ULK4: variants seen among roughly 807,000 people sequenced by gnomAD.
ULK4 encodes the protein inactive serine/threonine-protein kinase ULK4.
Under a neutral mutation model 160.6 loss-of-function variants are expected in ULK4, and 133 were observed. That is an observed-to-expected ratio of 0.83 (90% confidence interval 0.72 to 0.96). The LOEUF (loss-of-function observed/expected upper bound fraction) is 0.96, where lower values mean the gene tolerates loss of function less well. Among genes scored for constraint, ULK4 ranks in the 40% least tolerant of loss-of-function variants. The pLI, the probability that ULK4 is intolerant of heterozygous loss-of-function variation, is 0.00. For synonymous variants in ULK4, 534 were observed against 539.8 expected, an observed-to-expected ratio of 0.99 and a Z score of 0.15; for missense variants, 1,580 against 1,499.5, an observed-to-expected ratio of 1.05 and a Z score of -0.89.
In ULK4 at chr3:41,926,189, T is replaced by C. The variant is rs575437339; in HGVS notation, c.541+5655A>G. Among the ~76,000 whole-genome samples, 15 of 152,330 alleles carry C rather than the reference T, an allele frequency of 9.8e-5. No homozygotes were observed. The South Asian group carries it at 2.7e-3, about 27-fold the overall frequency. ...ATATGGGCTGTTCTGCAGCCTCTGC[T>C]GGTGATATCCAGGCAAACAGGGTCT... On this transcript the variant is annotated intron_variant, in intron 5 of 36. Coordinates refer to ENST00000301831, the MANE Select transcript of ULK4 (RefSeq NM_017886.4).
chr3:41,740,613 T>C (rs1382682092), intron 22 of ULK4, among the ~76,000 whole-genome samples: 1 of 151,872 alleles, frequency 6.6e-6, no homozygotes, highest in Non-Finnish European at 1.5e-5. Flanking sequence ...TCACAGAAAA[T>C]GTGCTGAAAT....
intron 15 of ULK4, 93 bp downstream of exon 15, chr3:41,896,729 T>G: frequency 4.3e-6 from 6 of 1,379,688 alleles, no homozygotes; most frequent in Non-Finnish European, 5.8e-6. Flanking sequence ...TCAGTTTTTT[T>G]GTGGTAGTTA....
intron 31 of ULK4, among the ~76,000 whole-genome samples, chr3:41,582,288 A>T (rs1054491205): frequency 2.0e-5 from 3 of 152,228 alleles, no homozygotes; most frequent in Admixed American, 6.5e-5. Context: ...GCCATGTGGA[A>T]CTGTGAGTCC....
chr3:41,694,256 A>T (rs981673426), intron 27 of ULK4, among the ~76,000 whole-genome samples: 1 of 152,210 alleles, frequency 6.6e-6, no homozygotes, highest in Non-Finnish European at 1.5e-5. Context: ...GTGTGTGCAG[A>T]TAGGCACGTG....
At chr3:41,433,364 A>G (rs1436382841) in intron 34 of ULK4, among the ~76,000 whole-genome samples, 2 of 152,200 alleles carry the variant, frequency 1.3e-5, no homozygotes, top group African/African-American at 4.8e-5. Flanking sequence ...GAAACAGACA[A>G]TCTTTTGATG....
intron 5 of ULK4, among the ~76,000 whole-genome samples, chr3:41,927,820 T>TA (rs771127307): frequency 9.9e-5 from 15 of 152,088 alleles, no homozygotes; most frequent in Admixed American, 3.9e-4. Context: ...CCTAAATATA[T>TA]ATGCACCCAA....
chr3:41,373,123 AC>A (rs1333177926), intron 35 of ULK4, among the ~76,000 whole-genome samples: 3 of 152,234 alleles, frequency 2.0e-5, no homozygotes, highest in Non-Finnish European at 4.4e-5. Flanking sequence ...ATATAGGAGC[AC>A]CCAGATTCAT....
intron 35 of ULK4, among the ~76,000 whole-genome samples, chr3:41,270,323 C>G (rs545048881): frequency 6.6e-5 from 10 of 152,256 alleles, no homozygotes; most frequent in South Asian, 6.2e-4. Context: ...AGCTGGGGAG[C>G]TGTGACTTTG....
intron 22 of ULK4, among the ~76,000 whole-genome samples, chr3:41,722,327 A>G (rs1156736848): frequency 6.6e-6 from 1 of 151,890 alleles, no homozygotes; most frequent in Non-Finnish European, 1.5e-5. Context: ...AACTGCCTCA[A>G]CTTATTAAAA....
chr3:41,579,893 C>G (rs960789068), intron 31 of ULK4, among the ~76,000 whole-genome samples: 1 of 152,076 alleles, frequency 6.6e-6, no homozygotes, highest in African/African-American at 2.4e-5. Context: ...CTTGTGTTTT[C>G]CTGGCATGCC....
intron 31 of ULK4, among the ~76,000 whole-genome samples, chr3:41,603,873 T>TA (rs1240415584): frequency 2.0e-5 from 3 of 152,170 alleles, no homozygotes; most frequent in African/African-American, 7.2e-5. Context: ...TAAAATCCTT[T>TA]AATATGTGCC....
chr3:41,343,295 CTTTTTTTTTTTTT>C (rs55691966), intron 35 of ULK4, among the ~76,000 whole-genome samples: 1 of 85,334 alleles, frequency 1.2e-5, no homozygotes, highest in Non-Finnish European at 2.3e-5. Context: ...AGCCCAAAAA[CTTTTTTTTTTTTT>C]TTTTTTTTTT....
intron 35 of ULK4, among the ~76,000 whole-genome samples, chr3:41,279,204 AG>A (rs2079293436): frequency 1.3e-5 from 2 of 151,226 alleles, no homozygotes; most frequent in African/African-American, 4.9e-5. Context: ...CAATGACTGA[AG>A]AGCAAATTAA....
intron 5 of ULK4, among the ~76,000 whole-genome samples, chr3:41,923,681 T>G (rs980028218): frequency 6.6e-6 from 1 of 152,166 alleles, no homozygotes; most frequent in African/African-American, 2.4e-5. Flanking sequence ...CAGTTGTACC[T>G]GCAATTGAAG....
At chr3:41,897,992 C>T (rs949458161) in intron 14 of ULK4, among the ~76,000 whole-genome samples, 5 of 152,170 alleles carry the variant, frequency 3.3e-5, no homozygotes, top group Non-Finnish European at 7.3e-5. Context: ...AGTATCTCCA[C>T]TCCCACACCA....
In ULK4 at chr3:41,373,283, A is replaced by G. The variant is rs563677741; in HGVS notation, c.3678+24796T>C. 1.2e-4 allele frequency among the ~76,000 whole-genome samples: 18 copies of G among 152,306 alleles called. No homozygotes were observed. In the South Asian group the frequency reaches 2.9e-3, roughly 25 times the overall value. ...ACTTGAATTCAGCTAGGGACCAAGCAGACCTAATAGACCTCTACAGAACTT... is the reference window on the plus strand; with the variant it reads ...ACTTGAATTCAGCTAGGGACCAAGCGGACCTAATAGACCTCTACAGAACTT... On this transcript the variant is annotated intron_variant, in intron 35 of 36. Coordinates refer to ENST00000301831, the MANE Select transcript of ULK4 (RefSeq NM_017886.4).
intron 16 of ULK4, among the ~76,000 whole-genome samples, chr3:41,888,107 G>C (rs576440128): frequency 6.6e-6 from 1 of 151,584 alleles, no homozygotes; most frequent in Non-Finnish European, 1.5e-5. Context: ...TTTAGAGTGA[G>C]TCTCTAAAAA....
intron 35 of ULK4, among the ~76,000 whole-genome samples, chr3:41,325,538 A>T (rs1402671475): frequency 1.3e-5 from 2 of 152,204 alleles, no homozygotes; most frequent in African/African-American, 4.8e-5. Flanking sequence ...GGTTTCAAAG[A>T]GACTAAAACT....
At chr3:41,881,273 G>A (rs188516423) in intron 17 of ULK4, among the ~76,000 whole-genome samples, 3 of 113,314 alleles carry the variant, frequency 2.6e-5, no homozygotes, top group Non-Finnish European at 5.0e-5. Flanking sequence ...ACATCCTGTA[G>A]CAGAAACTTC....
Sources: allele counts gnomAD v4.1 joint callset (sites outside exome capture counted in the v4.1 genomes callset), GRCh38; gene constraint gnomAD v4.1.1; transcripts MANE v1.5; gene names NCBI Gene and HGNC (gene_info 2026-07-23, HGNC 2026-07-21).